Variants in UST observed in about 807,000 individuals in gnomAD.
UST encodes uronyl 2-sulfotransferase.
In UST, 21 loss-of-function variants were observed where a neutral mutation model predicts 45.6. The ratio of observed to expected loss-of-function variants is 0.46; its 90% CI spans 0.33 to 0.66. The LOEUF is 0.66. Ranked by LOEUF, UST falls within the 30% of genes least tolerant of loss-of-function variation. UST has a pLI of 0.02. For synonymous variants in UST, 215 were observed against 200.6 expected, an observed-to-expected ratio of 1.07 and a Z score of -0.61; for missense variants, 463 against 512.4, an observed-to-expected ratio of 0.90 and a Z score of 0.93.
chr6:148,852,193 G>A (rs760791953), intron 1 of UST, among the ~76,000 whole-genome samples: 11 of 152,134 alleles, frequency 7.2e-5, no homozygotes, highest in African/African-American at 1.7e-4. Flanking sequence ...AAGCAGAGTC[G>A]GGAACATTTT....
At chr6:149,063,395 T>TA (rs1264246372) in intron 7 of UST, among the ~76,000 whole-genome samples, 3 of 152,162 alleles carry the variant, frequency 2.0e-5, no homozygotes, top group Non-Finnish European at 2.9e-5. Context: ...AAAAACTTTT[T>TA]AAAAAAATAT....
chr6:148,882,609 A>G (rs376514103), intron 1 of UST, among the ~76,000 whole-genome samples: 6 of 152,158 alleles, frequency 3.9e-5, no homozygotes, highest in Admixed American at 1.3e-4. Flanking sequence ...GAAAGAAAGA[A>G]GGAAGGGGAA....
At chr6:148,991,731 A>C (rs148454429) in intron 5 of UST, among the ~76,000 whole-genome samples, 195 of 152,168 alleles carry the variant, frequency 1.3e-3, no homozygotes, top group Middle Eastern at 6.8e-3. Context: ...ACAAGCATAT[A>C]TGTTACTTAT....
In UST at chr6:148,887,020, T is replaced by A; in HGVS notation, c.282T>A (p.Pro94=). 8.7e-6 allele frequency: 14 copies of A among 1,612,838 alleles called. No homozygotes were observed. The highest frequency in any genetic ancestry group is 1.2e-5 in the Non-Finnish European group (14 of 1,179,382). ...CTTACTTGGATGACCATGGACCACCTCCTAGTAAGGTAAGATCTTTGCTTG... is the reference window on the plus strand; with the variant it reads ...CTTACTTGGATGACCATGGACCACCACCTAGTAAGGTAAGATCTTTGCTTG... The part of the protein sequence containing the change: ...NSTYLDDHGP[P]PSKVLPFPSQ... The change falls in exon 2 of 8, where the codon CCT becomes CCA. Residue 94 remains proline (P), a synonymous_variant. Transcript: ENST00000367463.
At chr6:148,970,262 C>G (rs1380484917) in intron 5 of UST, among the ~76,000 whole-genome samples, 1 of 152,106 alleles carries the variant, frequency 6.6e-6, no homozygotes, top group African/African-American at 2.4e-5. Flanking sequence ...GATTTTGGAG[C>G]TAGAATAGAA....
At chr6:148,830,121 A>G (rs148584835) in intron 1 of UST, among the ~76,000 whole-genome samples, 2 of 152,304 alleles carry the variant, frequency 1.3e-5, no homozygotes, top group East Asian at 3.9e-4. Context: ...GGAGAAACCA[A>G]TACCTCCCTA....
intron 5 of UST, among the ~76,000 whole-genome samples, chr6:148,977,751 CAA>C (rs60475773): frequency 1.9e-3 from 168 of 88,202 alleles, no homozygotes; most frequent in East Asian, 8.2e-3. Context: ...GAATCTGTCT[CAA>C]AAAAAAAAAA....
At chr6:148,770,424 G>A (rs1776401723) in intron 1 of UST, among the ~76,000 whole-genome samples, 1 of 151,536 alleles carries the variant, frequency 6.6e-6, no homozygotes, top group Admixed American at 6.6e-5. Context: ...GTACAGAGTG[G>A]CTGGCCAGAA....
At chr6:148,822,916 G>A (rs1411018056) in intron 1 of UST, among the ~76,000 whole-genome samples, 3 of 152,158 alleles carry the variant, frequency 2.0e-5, no homozygotes, top group African/African-American at 7.2e-5. Context: ...AACCTAACCA[G>A]TAAAAAGTGC....
chr6:148,989,419 A>G (rs1420822211), intron 5 of UST, among the ~76,000 whole-genome samples: 1 of 152,184 alleles, frequency 6.6e-6, no homozygotes, highest in Non-Finnish European at 1.5e-5. Context: ...TGTTACCAAC[A>G]CTTATAAACT....
chr6:149,046,282 A>G (rs17669693), intron 7 of UST, among the ~76,000 whole-genome samples: 36,290 of 152,124 alleles, frequency 0.24, 4,503 homozygotes, highest in Admixed American at 0.27. Context: ...GTCACACACA[A>G]TTAGTGTTAT....
intron 5 of UST, among the ~76,000 whole-genome samples, chr6:148,970,587 T>C (rs774431947): frequency 6.6e-6 from 1 of 152,112 alleles, no homozygotes; most frequent in Non-Finnish European, 1.5e-5. Context: ...ACAAAAGGAT[T>C]GCAGGCCAGT....
intron 7 of UST, among the ~76,000 whole-genome samples, chr6:149,030,202 G>C (rs1302711258): frequency 6.6e-6 from 1 of 152,112 alleles, no homozygotes; most frequent in Non-Finnish European, 1.5e-5. Context: ...GGACAGCACT[G>C]ACATTCACGC....
rs925562467 is a variant in UST at position 148,967,324 on chromosome 6, G to T, written c.681+2761G>T. Among the ~76,000 whole-genome samples, 10 of 151,970 alleles carry T rather than the reference G, an allele frequency of 6.6e-5. 1 individual carries two copies. Among genetic ancestry groups the T allele is most frequent in the Non-Finnish European group, 1.5e-5 (1 of 67,988 alleles). On this transcript the variant is annotated intron_variant, in intron 5 of 7. Transcript: ENST00000367463. ...CCAAAGCAGCACAGCAGAAACTCGG[G>T]GGGGCTCAGATTCAAGAGAGGAGAG...
chr6:149,057,231 G>A (rs958273753), intron 7 of UST, among the ~76,000 whole-genome samples: 2 of 152,180 alleles, frequency 1.3e-5, no homozygotes, highest in Non-Finnish European at 2.9e-5. Context: ...ATCATGTGGT[G>A]TAATTTGCTA....
rs1469189528 is a variant in UST at position 148,886,894 on chromosome 6, G to A, written c.248-92G>A. Reference sequence around the variant, plus strand: ...GTACTGTTGTCTGAGCAGAAATACTGTATAACTAGAATGCTTATCTTCAAT... The same window carrying A: ...GTACTGTTGTCTGAGCAGAAATACTATATAACTAGAATGCTTATCTTCAAT... On this transcript the variant is annotated intron_variant, in intron 1 of 7. Transcript: ENST00000367463. The A allele has an allele frequency of 1.2e-5, 13 of 1,062,770 alleles. 1 individual carries two copies. The South Asian group carries it at 1.4e-4, about 12-fold the overall frequency. 65.8% of individuals were successfully genotyped at this position (1,062,770 alleles called of 1,614,324 possible). A position where few individuals can be genotyped will look rare whatever the true frequency, so the allele number is the denominator to read the frequency against.
rs535325759 is a variant in UST at position 148,984,639 on chromosome 6, A to G, written c.681+20076A>G. 1.2e-4 allele frequency among the ~76,000 whole-genome samples: 19 copies of G among 152,296 alleles called. No individual in the cohort carries two copies. In the East Asian group the frequency reaches 3.7e-3, roughly 29 times the overall value. On this transcript the variant is annotated intron_variant, in intron 5 of 7. Transcript: ENST00000367463. ...AGCCTCAAACCCCTGGGCTCAAGCA[A>G]TCCTCCCACCTCAGCCTGCCAAGTA...
At chr6:148,884,593 G>A (rs779443476) in intron 1 of UST, among the ~76,000 whole-genome samples, 4 of 152,098 alleles carry the variant, frequency 2.6e-5, no homozygotes, top group African/African-American at 2.4e-5. Flanking sequence ...GTGCATGGAG[G>A]GGGAGGTGGG....
rs1238251466 is a variant in UST, at chr6:149,074,209, G to A, written c.*93G>A. The stretch of plus-strand genomic sequence containing the variant: ...TCCTTAAGGGACTAAATTAATGCTT[G>A]GGTGCATTAAAAAGAACAAAACATT... On this transcript the variant is annotated 3_prime_UTR_variant, in exon 8 of 8. Transcript: ENST00000367463. 7.3e-6 allele frequency: 10 copies of A among 1,374,514 alleles called. No homozygotes were observed. Among genetic ancestry groups the A allele is most frequent in the Non-Finnish European group, 1.0e-5 (10 of 1,002,180 alleles). 85.1% of individuals were successfully genotyped at this position (1,374,514 alleles called of 1,614,324 possible).
Sources: gnomAD v4.1 joint callset for allele counts (sites outside exome capture counted in the v4.1 genomes callset) on GRCh38, gnomAD v4.1.1 for gene constraint, MANE v1.5 for transcripts, NCBI Gene and HGNC (gene_info 2026-07-23, HGNC 2026-07-21) for gene names.